ROR1: variants seen among roughly 807,000 people sequenced by gnomAD.
The protein encoded by ROR1 is ROR family WNT receptor 1.
A neutral mutation model predicts 78.8 loss-of-function variants in ROR1; 19 were observed. The observed-to-expected ratio is 0.24, with a 90% CI of 0.17 to 0.35. ROR1 has a LOEUF of 0.35. Among genes scored for constraint, ROR1 ranks in the 10% least tolerant of loss-of-function variants. The probability of loss-of-function intolerance (pLI) is 1.00; values close to 1 mark genes in which losing one functional copy is unlikely to be tolerated. For synonymous variants in ROR1, 386 were observed against 433.6 expected (o/e 0.89, Z 1.36); for missense variants, 917 against 1,177.8 (o/e 0.78, Z 3.24).
At chr1:64,035,601 T>C (rs1347037467) in intron 2 of ROR1, among the ~76,000 whole-genome samples, 1 of 152,140 alleles carries the variant, frequency 6.6e-6, no homozygotes, top group African/African-American at 2.4e-5. Flanking sequence ...AACTCAGAGG[T>C]AGCCTGTTAG....
chr1:63,777,022 A>G (rs375683385), intron 1 of ROR1, among the ~76,000 whole-genome samples: 2 of 152,212 alleles, frequency 1.3e-5, no homozygotes, highest in African/African-American at 4.8e-5. Flanking sequence ...CATTTCTCCC[A>G]TCATTTTTCT....
At position 63,876,074 on chromosome 1, in the gene ROR1, A is replaced by G. The variant is rs112876428; in HGVS notation, c.91+101566A>G. On this transcript the variant is annotated intron_variant, in intron 1 of 8. Transcript: ENST00000371079. ...AAGGTGGGTTAAGCTGCGAAAGTGA[A>G]TGTAAGTTAAAGCCAGTTAAATAGA... Among the ~76,000 whole-genome samples, 122 of 152,282 alleles carry G rather than the reference A, an allele frequency of 8.0e-4. 1 individual carries two copies. Among genetic ancestry groups the G allele is most frequent in the African/African-American group, 2.7e-3 (112 of 41,574 alleles).
intron 7 of ROR1, among the ~76,000 whole-genome samples, chr1:64,149,700 C>A (rs533366659): frequency 4.6e-5 from 7 of 152,354 alleles, no homozygotes; most frequent in African/African-American, 1.7e-4. Flanking sequence ...ATTCACTATG[C>A]TTTCACCTTT....
chr1:63,926,569 G>GA (rs1351238894), intron 1 of ROR1, among the ~76,000 whole-genome samples: 7 of 135,644 alleles, frequency 5.2e-5, no homozygotes, highest in Non-Finnish European at 8.0e-5. Flanking sequence ...GCTTGATGGG[G>GA]ATGGCATTGA....
rs557813313 is a variant in ROR1 at position 63,960,393 on chromosome 1, C to T, written c.92-48912C>T. 7.2e-5 allele frequency among the ~76,000 whole-genome samples: 11 copies of T among 152,252 alleles called. No homozygotes were observed. In the East Asian group the frequency reaches 7.7e-4, roughly 11 times the overall value. On this transcript the variant is annotated intron_variant, in intron 1 of 8. Transcript: ENST00000371079. ...CCAACAGCAGCTCTGTGGTCAAGAC[C>T]GTCAAGGGAGAAGGTCTTAGTTTGT... is the stretch of plus-strand genomic sequence containing the variant.
intron 1 of ROR1, among the ~76,000 whole-genome samples, chr1:63,977,968 A>C (rs1292331090): frequency 3.9e-5 from 6 of 152,202 alleles, no homozygotes; most frequent in Non-Finnish European, 7.3e-5. Context: ...TTTGTTGATC[A>C]CGATAGTCTG....
intron 2 of ROR1, among the ~76,000 whole-genome samples, chr1:64,040,199 T>G (rs1425997133): frequency 6.6e-6 from 1 of 152,128 alleles, no homozygotes; most frequent in Non-Finnish European, 1.5e-5. Flanking sequence ...ATTTTAAAAT[T>G]GGGATGGATG....
At chr1:63,849,269 A>G (rs1392063322) in intron 1 of ROR1, among the ~76,000 whole-genome samples, 5 of 152,240 alleles carry the variant, frequency 3.3e-5, no homozygotes, top group Non-Finnish European at 5.9e-5. Context: ...CATGTATAAC[A>G]ACCCATTCAG....
At chr1:63,914,655 C>T (rs1569902116) in intron 1 of ROR1, among the ~76,000 whole-genome samples, 1 of 152,220 alleles carries the variant, frequency 6.6e-6, no homozygotes, top group East Asian at 1.9e-4. Context: ...GGCCAAACAC[C>T]AAATCTTTTG....
At chr1:63,936,052 T>C (rs1645791848) in intron 1 of ROR1, among the ~76,000 whole-genome samples, 1 of 152,212 alleles carries the variant, frequency 6.6e-6, no homozygotes, top group African/African-American at 2.4e-5. Flanking sequence ...AAAGTCCATT[T>C]AAGTACACAC....
At chr1:63,873,957 G>A (rs1342495283) in intron 1 of ROR1, among the ~76,000 whole-genome samples, 4 of 152,108 alleles carry the variant, frequency 2.6e-5, no homozygotes, top group African/African-American at 9.7e-5. Flanking sequence ...AGAGTAGCCA[G>A]TGGTGAGAGA....
At chr1:63,787,991 G>A (rs1239228541) in intron 1 of ROR1, among the ~76,000 whole-genome samples, 2 of 152,228 alleles carry the variant, frequency 1.3e-5, no homozygotes, top group Non-Finnish European at 2.9e-5. Context: ...GCCCAGGAAA[G>A]AAGCTGGTGT....
intron 8 of ROR1, among the ~76,000 whole-genome samples, chr1:64,159,470 C>T (rs1196358318): frequency 3.3e-5 from 5 of 151,990 alleles, no homozygotes; most frequent in Non-Finnish European, 5.9e-5. Context: ...CTGACCAGCC[C>T]GTCAGGACTC....
chr1:64,099,432 G>T (rs1647430440), intron 4 of ROR1, among the ~76,000 whole-genome samples: 1 of 152,092 alleles, frequency 6.6e-6, no homozygotes, highest in Non-Finnish European at 1.5e-5. Flanking sequence ...TATTATACTT[G>T]TCACGGTGGT....
At chr1:63,881,386 T>C (rs1645322411) in intron 1 of ROR1, among the ~76,000 whole-genome samples, 3 of 152,142 alleles carry the variant, frequency 2.0e-5, no homozygotes. Context: ...ATTTAGGATA[T>C]AGAAAGCTGG....
intron 2 of ROR1, among the ~76,000 whole-genome samples, chr1:64,027,621 A>G (rs1646624294): frequency 6.6e-6 from 1 of 151,734 alleles, no homozygotes; most frequent in Non-Finnish European, 1.5e-5. Context: ...TAGATTTGTC[A>G]TATTATTTGA....
chr1:63,840,767 T>C (rs1645044953), intron 1 of ROR1, among the ~76,000 whole-genome samples: 1 of 152,154 alleles, frequency 6.6e-6, no homozygotes, highest in South Asian at 2.1e-4. Context: ...ACAGACTGGG[T>C]TTATTTCCTG....
intron 4 of ROR1, among the ~76,000 whole-genome samples, chr1:64,086,500 A>C (rs1647156579): frequency 1.3e-5 from 2 of 152,222 alleles, no homozygotes; most frequent in African/African-American, 2.4e-5. Flanking sequence ...TTTAGGAAGC[A>C]CTAGTCTAAC....
At chr1:63,975,809 G>A (rs1421894292) in intron 1 of ROR1, among the ~76,000 whole-genome samples, 1 of 152,162 alleles carries the variant, frequency 6.6e-6, no homozygotes, top group Non-Finnish European at 1.5e-5. Flanking sequence ...CTGTGATTGG[G>A]AGAGGGGAGA....
Sources: allele counts gnomAD v4.1 joint callset (sites outside exome capture counted in the v4.1 genomes callset), GRCh38; gene constraint gnomAD v4.1.1; transcripts MANE v1.5; gene names NCBI Gene and HGNC (gene_info 2026-07-23, HGNC 2026-07-21).